The following TBC1D12 variants were observed in gnomAD, a reference collection of about 807,000 sequenced individuals.
TBC1D12 encodes TBC1 domain family, member 12.
In TBC1D12, 56 loss-of-function variants were observed where a neutral mutation model predicts 86.7. The observed-to-expected ratio is 0.65, with a 90% CI of 0.52 to 0.81. The LOEUF (loss-of-function observed/expected upper bound fraction) is 0.81. Among genes scored for constraint, TBC1D12 ranks in the 30% least tolerant of loss-of-function variants. The pLI is 0.00. For synonymous variants in TBC1D12, 421 were observed against 411.7 expected, an observed-to-expected ratio of 1.02 and a Z score of -0.27; for missense variants, 1,023 against 1,038.8, an observed-to-expected ratio of 0.98 and a Z score of 0.21.
intron 3 of TBC1D12, among the ~76,000 whole-genome samples, chr10:94,487,807 C>T (rs2056189691): frequency 6.6e-6 from 1 of 151,286 alleles, no homozygotes; most frequent in Non-Finnish European, 1.5e-5. Context: ...GTTGATCCAC[C>T]CACCTCAGAC....
At chr10:94,474,320 T>G (rs2055953814) in intron 2 of TBC1D12, among the ~76,000 whole-genome samples, 1 of 141,544 alleles carries the variant, frequency 7.1e-6, no homozygotes, top group Non-Finnish European at 1.5e-5. Context: ...ATTTATAGTT[T>G]AGGTTGCTTC....
At chr10:94,507,404 G>A in intron 7 of TBC1D12, 57 bp downstream of exon 7, 1 of 1,433,792 alleles carries the variant, frequency 7.0e-7, no homozygotes, top group African/African-American at 1.4e-5. Context: ...TACTGAGCAT[G>A]TATCAGAAGC....
At chr10:94,465,023 T>C (rs2055785607) in intron 2 of TBC1D12, among the ~76,000 whole-genome samples, 1 of 152,258 alleles carries the variant, frequency 6.6e-6, no homozygotes, top group Non-Finnish European at 1.5e-5. Context: ...AAGAACGTTT[T>C]AATAGTCTTT....
chr10:94,500,240 C>T lies in TBC1D12; in HGVS notation c.1432C>T (p.Arg478Ter). The T allele has an allele frequency of 3.1e-6, 5 of 1,613,688 alleles. No individual in the cohort carries two copies. Among genetic ancestry groups the T allele is most frequent in the Non-Finnish European group, 4.2e-6 (5 of 1,179,846 alleles). ...WEVMRSTRRVRELWWQGLPPS... is the reference protein window; with the variant it reads ...WEVMRSTRRV ...TTCTAGGCGTAGTACAAGAAGAGTT[C>T]GAGAATTGTGGTGGCAGGGATTGCC... The change falls in exon 6 of 13, where the codon CGA becomes TGA. Residue 478 changes from arginine to a stop codon, truncating the protein, a stop_gained. Transcript: ENST00000225235. LOFTEE classifies it high-confidence loss of function.
intron 3 of TBC1D12, among the ~76,000 whole-genome samples, chr10:94,483,039 C>CTTTTTTT (rs71031579): frequency 3.3e-4 from 41 of 124,598 alleles, no homozygotes; most frequent in African/African-American, 6.1e-4. Flanking sequence ...TATTCTTCTT[C>CTTTTTTT]TTTTTTTTTT....
chr10:94,457,807 C>CT (rs1564955964), intron 2 of TBC1D12, among the ~76,000 whole-genome samples: 3 of 151,886 alleles, frequency 2.0e-5, no homozygotes, highest in Non-Finnish European at 2.9e-5. Context: ...TTTTTTAAAA[C>CT]TTTTTTTAGT....
chr10:94,403,004 G>A lies in TBC1D12; in HGVS notation c.391G>A (p.Glu131Lys). The change falls in exon 1 of 13, where the codon GAA (glutamate) becomes AAA (lysine). Residue 131 changes from glutamate to lysine, a missense_variant. Physicochemically the swap from Glu to Lys is moderately conservative, Grantham distance 56. This residue lies in a region of TBC1D12 where 628 missense variants were observed against 531.1 expected (regional missense o/e 1.18). Coordinates refer to ENST00000225235, the MANE Select transcript of TBC1D12 (RefSeq NM_015188.2). ...EVADGRAPRH[E>K]GMTNGDSGFL... ...GGCTGATGGCCGCGCGCCGCGGCAC[G>A]AAGGCATGACCAACGGCGACTCGGG... 2 of 1,576,712 alleles carry A rather than the reference G, an allele frequency of 1.3e-6. No individual in the cohort carries two copies. The highest frequency in any genetic ancestry group is 1.7e-6 in the Non-Finnish European group (2 of 1,165,666).
intron 2 of TBC1D12, among the ~76,000 whole-genome samples, chr10:94,450,136 A>G (rs944247235): frequency 7.9e-5 from 12 of 152,168 alleles, no homozygotes; most frequent in African/African-American, 2.9e-4. Context: ...TACTATGTAT[A>G]ATGCAATAGG....
chr10:94,486,480 T>C (rs771110344), intron 3 of TBC1D12, among the ~76,000 whole-genome samples: 7 of 152,048 alleles, frequency 4.6e-5, no homozygotes, highest in Non-Finnish European at 8.8e-5. Flanking sequence ...CTGTATCTCG[T>C]AGGTTTTGGT....
At chr10:94,511,521 T>C (rs2056526868) in intron 8 of TBC1D12, 62 bp from the exon 9 acceptor site, 17 of 994,278 alleles carry the variant, frequency 1.7e-5, no homozygotes, top group Admixed American at 3.9e-5. Context: ...TAACATGTTA[T>C]ATGAAAATTA....
intron 1 of TBC1D12, among the ~76,000 whole-genome samples, chr10:94,420,209 C>A (rs1211156085): frequency 6.6e-6 from 1 of 152,050 alleles, no homozygotes; most frequent in East Asian, 1.9e-4. Flanking sequence ...CTTTTTCTGC[C>A]CTGCTGCTAT....
chr10:94,435,596 AT>A (rs1437308719), intron 1 of TBC1D12, among the ~76,000 whole-genome samples: 4 of 151,996 alleles, frequency 2.6e-5, no homozygotes, highest in Non-Finnish European at 4.4e-5. Context: ...CTGTGTGCTA[AT>A]TTTTTGTCAT....
At chr10:94,421,718 C>T (rs891166135) in intron 1 of TBC1D12, among the ~76,000 whole-genome samples, 4 of 152,172 alleles carry the variant, frequency 2.6e-5, no homozygotes, top group African/African-American at 9.7e-5. Context: ...AAATTACAGC[C>T]ATCCTAATGG....
At chr10:94,405,116 TC>T (rs2054836470) in intron 1 of TBC1D12, among the ~76,000 whole-genome samples, 3 of 151,390 alleles carry the variant, frequency 2.0e-5, no homozygotes, top group South Asian at 4.2e-4. Context: ...TTCTTCTTCT[TC>T]TTTTTTCTTA....
Position 94,403,233 on chromosome 10 carries a change from C to A in TBC1D12, c.620C>A (p.Ala207Glu). Residue 207 changes from alanine to glutamate, a missense_variant, in exon 1 of 13, where the codon GCG becomes GAG. By Grantham distance (107) the Ala-to-Glu change is moderately radical (BLOSUM62 -1). Transcript: ENST00000225235. The part of the protein sequence containing the change: ...DPLRSCCLVA[A>E]DAQEPEGAGS... The stretch of plus-strand genomic sequence containing the variant: ...CTGCGGAGCTGCTGCCTGGTGGCCG[C>A]GGACGCCCAGGAGCCCGAGGGCGCG... The A allele has an allele frequency of 6.6e-7, 1 of 1,506,992 alleles. No individual in the cohort carries two copies. Among genetic ancestry groups the A allele is most frequent in the Non-Finnish European group, 8.9e-7 (1 of 1,129,766 alleles). The allele number at this position is 1,506,992 out of a possible 1,614,324, so 93.4% of individuals were successfully genotyped here. A position where few individuals can be genotyped will look rare whatever the true frequency, so the allele number is the denominator to read the frequency against.
At chr10:94,498,104 C>A (rs564561771) in intron 5 of TBC1D12, among the ~76,000 whole-genome samples, 24 of 152,230 alleles carry the variant, frequency 1.6e-4, no homozygotes, top group African/African-American at 5.5e-4. Flanking sequence ...CAGGCGTGAG[C>A]CACCGTGCCC....
At chr10:94,413,587 T>C (rs988607518) in intron 1 of TBC1D12, among the ~76,000 whole-genome samples, 6 of 152,182 alleles carry the variant, frequency 3.9e-5, no homozygotes, top group Non-Finnish European at 5.9e-5. Flanking sequence ...GGGAAACCCA[T>C]GTGACTGTCT....
rs34828664 is a variant in TBC1D12, at chr10:94,465,670, ATGTGTGTGTG to A, written c.1096-8980_1096-8971del. ...TAAAAAAAAAAATATATATATATAT[ATGTGTGTGTG>A]TGTGTGTGTGTGTGTGTACATATAT... On this transcript the variant is annotated intron_variant, in intron 2 of 12. Transcript: ENST00000225235. Among the ~76,000 whole-genome samples the A allele has an allele frequency of 5.1e-3, 704 of 137,950 alleles. 4 individuals are homozygous for A. Among genetic ancestry groups the A allele is most frequent in the African/African-American group, 0.018 (661 of 36,796 alleles). 90.5% of individuals were successfully genotyped at this position (137,950 alleles called of 152,430 possible). A position where few individuals can be genotyped will look rare whatever the true frequency, so the allele number is the denominator to read the frequency against.
intron 1 of TBC1D12, among the ~76,000 whole-genome samples, chr10:94,432,995 A>C (rs1169208903): frequency 6.6e-6 from 1 of 152,046 alleles, no homozygotes; most frequent in African/African-American, 2.4e-5. Flanking sequence ...ACCTGAGGTC[A>C]GGAGTTCAAG....
Sources: allele counts gnomAD v4.1 joint callset (sites outside exome capture counted in the v4.1 genomes callset), GRCh38; gene constraint gnomAD v4.1.1; regional missense constraint gnomAD v4.1.1; transcripts MANE v1.5; gene names NCBI Gene and HGNC (gene_info 2026-07-23, HGNC 2026-07-21).